PRELP: variants seen among roughly 807,000 people sequenced by gnomAD.
PRELP encodes the protein proline and arginine rich end leucine rich repeat protein.
PRELP carries 16 observed loss-of-function variants against 22.8 expected under a neutral mutation model. The observed-to-expected ratio is 0.70, with a 90% CI of 0.47 to 1.06. PRELP has a LOEUF of 1.06. Ranked by LOEUF, PRELP falls within the 50% of genes least tolerant of loss-of-function variation. The pLI, the probability that PRELP is intolerant of heterozygous loss-of-function variation, is 0.00. For synonymous variants in PRELP, 233 were observed against 211.4 expected (o/e 1.10, Z -0.89); for missense variants, 434 against 485.2 (o/e 0.89, Z 0.99).
intron 2 of PRELP, among the ~76,000 whole-genome samples, chr1:203,484,569 C>T (rs757421500): frequency 1.1e-4 from 17 of 152,200 alleles, no homozygotes; most frequent in Non-Finnish European, 2.4e-4. Flanking sequence ...AGAACAGAGA[C>T]ATTTAAATAC....
At chr1:203,480,136 T>C (rs1327337588) in intron 1 of PRELP, among the ~76,000 whole-genome samples, 3 of 152,258 alleles carry the variant, frequency 2.0e-5, no homozygotes, top group Middle Eastern at 3.4e-3. Flanking sequence ...CGTTCTTTAA[T>C]GTGGAGAGTG....
chr1:203,484,088 A>G lies in PRELP; in HGVS notation c.904A>G (p.Arg302Gly). Residue 302 changes from arginine (R) to glycine (G), a missense_variant, in exon 2 of 3, where the codon AGG (arginine) becomes GGG (glycine). Transcript: ENST00000343110. ...GCTTGTGCTCCACCTGTCCCACAAC[A>G]GGATCAGCAGTGTGCCCGCCATCAA... is the stretch of plus-strand genomic sequence containing the variant. The part of the protein sequence containing the change: ...NLLVLHLSHN[R>G]ISSVPAINNR... The G allele has an allele frequency of 6.2e-7, 1 of 1,608,190 alleles. No homozygotes were observed. The highest frequency in any genetic ancestry group is 8.5e-7 in the Non-Finnish European group (1 of 1,176,428).
At chr1:203,477,389 A>G (rs1423065726) in intron 1 of PRELP, among the ~76,000 whole-genome samples, 34 of 152,160 alleles carry the variant, frequency 2.2e-4, no homozygotes, top group Admixed American at 2.2e-3. Flanking sequence ...GGGGAGTGGG[A>G]GTAAACAGGG....
intron 1 of PRELP, among the ~76,000 whole-genome samples, chr1:203,479,282 C>G (rs545250420): frequency 6.4e-4 from 97 of 152,316 alleles, no homozygotes; most frequent in African/African-American, 2.3e-3. Flanking sequence ...AATAGCTGCT[C>G]CTAATGACTT....
intron 1 of PRELP, among the ~76,000 whole-genome samples, chr1:203,479,877 C>A (rs772266178): frequency 6.6e-6 from 1 of 151,762 alleles, no homozygotes; most frequent in Admixed American, 6.6e-5. Context: ...ATGAGGAGCC[C>A]GGGTTGGAGA....
At chr1:203,479,520 T>C (rs945976647) in intron 1 of PRELP, among the ~76,000 whole-genome samples, 7 of 151,546 alleles carry the variant, frequency 4.6e-5, no homozygotes, top group Middle Eastern at 3.2e-3. Context: ...CTGGGCAACA[T>C]GGTAAAACCC....
chr1:203,482,737 A>G, intron 1 of PRELP, among the ~76,000 whole-genome samples: 1 of 151,276 alleles, frequency 6.6e-6, no homozygotes, highest in East Asian at 1.9e-4. Context: ...AGCTGGGATT[A>G]CAGGCACCCG....
Position 203,477,833 on chromosome 1 carries a change from C to T in PRELP, c.-17+1895C>T, listed in dbSNP as rs78029928. ...TCCCCTCACCTGTTGCAGAAAGCAT[C>T]GGTGAGAAGTTGGTGAATTAGAAAG... On this transcript the variant is annotated intron_variant, in intron 1 of 2. Transcript: ENST00000343110. Among the ~76,000 whole-genome samples, 32 of 152,306 alleles carry T rather than the reference C, an allele frequency of 2.1e-4. No homozygotes were observed. The East Asian group carries it at 5.4e-3, about 26-fold the overall frequency.
chr1:203,482,063 T>G (rs1274413350), intron 1 of PRELP, among the ~76,000 whole-genome samples: 1 of 152,130 alleles, frequency 6.6e-6, no homozygotes, highest in Non-Finnish European at 1.5e-5. Flanking sequence ...GTCACAGAAA[T>G]GAAAGCAGAG....
rs181611139 is a variant in PRELP at position 203,476,906 on chromosome 1, C to G, written c.-17+968C>G. ...AAAGCCGTTCTGAAATTATTCCAAC[C>G]ATTTAGGTTGGCAAAAGGTCCTGTG... On this transcript the variant is annotated intron_variant, in intron 1 of 2. Coordinates refer to ENST00000343110, the MANE Select transcript of PRELP (RefSeq NM_002725.4). 4.6e-5 allele frequency among the ~76,000 whole-genome samples: 7 copies of G among 151,074 alleles called. No homozygotes were observed. In the South Asian group the frequency reaches 1.3e-3, roughly 27 times the overall value.
At chr1:203,479,078 C>T (rs1199445797) in intron 1 of PRELP, among the ~76,000 whole-genome samples, 3 of 152,160 alleles carry the variant, frequency 2.0e-5, no homozygotes, top group Non-Finnish European at 4.4e-5. Flanking sequence ...CCCCATTCTC[C>T]ACTGCAGGGT....
Position 203,484,012 on chromosome 1 carries a change from C to G in PRELP, c.828C>G (p.Asn276Lys), listed in dbSNP as rs1373092430. 6.2e-7 allele frequency: 1 copy of G among 1,614,244 alleles called. No homozygotes were observed. Among genetic ancestry groups the G allele is most frequent in the Non-Finnish European group, 8.5e-7 (1 of 1,180,036 alleles). The change falls in exon 2 of 3, where the codon AAC becomes AAG. Residue 276 changes from asparagine (N) to lysine (K), a missense_variant. By Grantham distance (94) the Asn-to-Lys change is moderately conservative. Transcript: ENST00000343110. ...PNLAFIRLNY[N>K]KLTDRGLPKN... ...TTGCCTTCATTCGGCTTAACTACAA[C>G]AAGCTGACAGACAGGGGACTCCCCA...
intron 2 of PRELP, among the ~76,000 whole-genome samples, chr1:203,486,375 A>T (rs1211620547): frequency 6.6e-6 from 1 of 152,180 alleles, no homozygotes; most frequent in African/African-American, 2.4e-5. Context: ...AACTTCATTC[A>T]AACAGATTCC....
intron 2 of PRELP, 137 bp downstream of exon 2, chr1:203,484,294 G>A: frequency 7.5e-7 from 1 of 1,337,772 alleles, no homozygotes; most frequent in Non-Finnish European, 1.0e-6. Flanking sequence ...TCATGGCCTT[G>A]CCACTTGCTA....
Position 203,483,135 on chromosome 1 carries a change from A to G in PRELP, c.-16-34A>G, listed in dbSNP as rs1297505343. On this transcript the variant is annotated intron_variant, in intron 1 of 2. Transcript: ENST00000343110. The surrounding 1 kb of genome is among the most constrained non-coding windows in gnomAD (Gnocchi z 4.4). ...CATGACAACTAGTTACTGAGGGCCC[A>G]AGGATAATGACCTTATGTGTCTTCT... 2.0e-6 allele frequency: 3 copies of G among 1,474,102 alleles called. No individual in the cohort carries two copies. Among genetic ancestry groups the G allele is most frequent in the Non-Finnish European group, 2.7e-6 (3 of 1,095,912 alleles). 91.3% of individuals were successfully genotyped at this position (1,474,102 alleles called of 1,614,324 possible).
chr1:203,477,457 G>A (rs1660930052), intron 1 of PRELP, among the ~76,000 whole-genome samples: 1 of 152,064 alleles, frequency 6.6e-6, no homozygotes, highest in African/African-American at 2.4e-5. Context: ...TACCACAGAG[G>A]AACATTCCAG....
rs747336935 is a variant in PRELP, at chr1:203,483,287, AGACCC to A, written c.104_108del (p.Arg35LysfsTer14). On this transcript the variant is annotated frameshift_variant, in exon 2 of 3. Transcript: ENST00000343110. LOFTEE classifies it high-confidence loss of function. The surrounding 1 kb of genome is among the most constrained non-coding windows in gnomAD (Gnocchi z 4.4). ...AAGACCCGGGACTGGGCCCGGGCGC[AGACCC>A]AGGCCCAGGCCCAGGCCCACACCCA... The A allele has an allele frequency of 6.2e-7, 1 of 1,613,574 alleles. No homozygotes were observed. Among genetic ancestry groups the A allele is most frequent in the Non-Finnish European group, 8.5e-7 (1 of 1,179,732 alleles).
intron 1 of PRELP, among the ~76,000 whole-genome samples, chr1:203,476,887 G>A (rs896712753): frequency 2.9e-4 from 44 of 150,384 alleles, no homozygotes; most frequent in Admixed American, 3.3e-4. Flanking sequence ...CTTTAAAGCC[G>A]TTCTGAAATT....
chr1:203,484,403 G>A (rs886869531), intron 2 of PRELP, among the ~76,000 whole-genome samples: 1 of 152,266 alleles, frequency 6.6e-6, no homozygotes, highest in Non-Finnish European at 1.5e-5. Flanking sequence ...GGTGATATGA[G>A]GATGTAATAG....
Sources: gnomAD v4.1 joint callset for allele counts (sites outside exome capture counted in the v4.1 genomes callset) on GRCh38, gnomAD v4.1.1 for gene constraint, Gnocchi (gnomAD v3.1) non-coding constraint, MANE v1.5 for transcripts, NCBI Gene and HGNC (gene_info 2026-07-23, HGNC 2026-07-21) for gene names.